CDC42BPB: variants seen among roughly 807,000 people sequenced by gnomAD.
CDC42BPB encodes serine/threonine-protein kinase MRCK beta.
Under a neutral mutation model 214.9 loss-of-function variants are expected in CDC42BPB, and 37 were observed. That is an observed-to-expected ratio of 0.17 (90% CI 0.13 to 0.23). The LOEUF is 0.23. Among genes scored for constraint, CDC42BPB ranks in the 10% least tolerant of loss-of-function variants. CDC42BPB has a pLI of 1.00. For missense variants in CDC42BPB, 1,694 were observed against 2,227.0 expected (o/e 0.76, Z 4.82); for synonymous variants, 931 against 884.0 (o/e 1.05, Z -0.94).
chr14:102,938,631 T>TG (rs1891749785), intron 34 of CDC42BPB: 2 of 894,200 alleles, frequency 2.2e-6, no homozygotes, highest in African/African-American at 3.6e-5. Context: ...AGCGTACTTT[T>TG]TTTGTTTGTT....
intron 8 of CDC42BPB, 37 bp from the exon 9 acceptor site, chr14:102,978,242 A>G (rs980527256): frequency 2.5e-6 from 4 of 1,604,800 alleles, no homozygotes; most frequent in Admixed American, 1.7e-5. Flanking sequence ...TGAAATCTAC[A>G]TTCAAACAAA....
intron 1 of CDC42BPB, among the ~76,000 whole-genome samples, chr14:103,016,753 A>G (rs1158017788): frequency 1.3e-5 from 2 of 152,180 alleles, no homozygotes; most frequent in Non-Finnish European, 2.9e-5. Context: ...CAATATAGAC[A>G]GACAGATACA....
intron 28 of CDC42BPB, among the ~76,000 whole-genome samples, chr14:102,946,048 G>T (rs35910378): frequency 6.6e-6 from 1 of 151,960 alleles, no homozygotes; most frequent in Non-Finnish European, 1.5e-5. Flanking sequence ...TCGGTCTGTC[G>T]CCCAGGCTGG....
chr14:102,945,126 C>T (rs1469670726), intron 29 of CDC42BPB: 1 of 404,160 alleles, frequency 2.5e-6, no homozygotes, highest in Admixed American at 2.8e-5. Context: ...GCTCCACGGC[C>T]ATCACATGCA....
chr14:102,982,317 TA>T (rs1273095206), intron 7 of CDC42BPB, among the ~76,000 whole-genome samples: 3 of 152,236 alleles, frequency 2.0e-5, no homozygotes, highest in Non-Finnish European at 4.4e-5. Flanking sequence ...GCTTCAGTGT[TA>T]ATCTGCTCCC....
chr14:103,055,142 G>C (rs535258074), intron 1 of CDC42BPB, among the ~76,000 whole-genome samples: 8 of 152,392 alleles, frequency 5.2e-5, no homozygotes, highest in Admixed American at 2.0e-4. Flanking sequence ...CGGTAAACAA[G>C]CTGGGTGCAG....
rs906587882 is a variant in CDC42BPB at position 102,945,578 on chromosome 14, C to T, written c.3811+84G>A. ...TTCATCAAGCGCATTTGTCTTAACCCTTAGGAGCTACTGACCCTGTGCTGT... is the reference window on the plus strand; with the variant it reads ...TTCATCAAGCGCATTTGTCTTAACCTTTAGGAGCTACTGACCCTGTGCTGT... On this transcript the variant is annotated intron_variant, in intron 29 of 36. Transcript: ENST00000361246. 7 of 1,265,594 alleles carry T rather than the reference C, an allele frequency of 5.5e-6. No individual in the cohort carries two copies. In the Admixed American group the frequency reaches 1.2e-4, roughly 22 times the overall value. The allele number at this position is 1,265,594 out of a possible 1,614,324, so 78.4% of individuals were successfully genotyped here.
chr14:102,963,968 G>A (rs1180419831), intron 19 of CDC42BPB, among the ~76,000 whole-genome samples: 2 of 151,896 alleles, frequency 1.3e-5, no homozygotes, highest in African/African-American at 2.4e-5. Flanking sequence ...TCGTATCCTC[G>A]TAAAACCAGA....
chr14:102,968,769 C>A, intron 14 of CDC42BPB, 53 bp from the exon 15 acceptor site: 1 of 1,598,044 alleles, frequency 6.3e-7, no homozygotes, highest in Non-Finnish European at 8.5e-7. Flanking sequence ...TCAAGGGTCA[C>A]ACTGTCCTTT....
Position 102,937,590 on chromosome 14 carries a change from C to T in CDC42BPB, c.5004+514G>A, listed in dbSNP as rs75462342. 5.3e-3 allele frequency among the ~76,000 whole-genome samples: 812 copies of T among 152,338 alleles called. 8 individuals carry two copies. The highest frequency in any genetic ancestry group is 0.018 in the African/African-American group (768 of 41,588). On this transcript the variant is annotated intron_variant, in intron 36 of 36. Transcript: ENST00000361246. ...CAGCACTGCAGCTCCTCGCCTCCCT[C>T]GACTGCATTCTCATCCCCATTCCGC...
chr14:102,987,233 C>T lies in CDC42BPB; in HGVS notation c.597-653G>A, dbSNP rs575590068. Among the ~76,000 whole-genome samples, 14 of 152,338 alleles carry T rather than the reference C, an allele frequency of 9.2e-5. No individual in the cohort carries two copies. In the East Asian group the frequency reaches 2.3e-3, roughly 25 times the overall value. ...AACTGCCCACAGTTACAGAGCAGCACGTGCTGGAGCAGGAACATAAACACA... is the reference window on the plus strand; with the variant it reads ...AACTGCCCACAGTTACAGAGCAGCATGTGCTGGAGCAGGAACATAAACACA... On this transcript the variant is annotated intron_variant, in intron 5 of 36. Transcript: ENST00000361246.
chr14:102,947,264 A>G (rs556305898), intron 27 of CDC42BPB, among the ~76,000 whole-genome samples: 9 of 152,272 alleles, frequency 5.9e-5, no homozygotes, highest in East Asian at 1.9e-4. Flanking sequence ...TCTTTCCCCA[A>G]TTCAGTCTTC....
At position 102,980,935 on chromosome 14, in the gene CDC42BPB, G is replaced by A. The variant is rs528369111; in HGVS notation, c.978C>T (p.Arg326=). The part of the protein sequence containing the change: ...LIQRLICSRE[R]RLGQNGIEDF... ...CCTCTATTCCATTCTGCCCCAGCCG[G>A]CGTTCTCTACTGCAGATCAGTCTCT... The change falls in exon 8 of 37, where the codon CGC becomes CGT. Residue 326 remains arginine, a synonymous_variant. Transcript: ENST00000361246. 2 of 1,614,152 alleles carry A rather than the reference G, an allele frequency of 1.2e-6. No homozygotes were observed. The highest frequency in any genetic ancestry group is 4.5e-5 in the East Asian group (2 of 44,884).
chr14:102,942,881 T>C (rs1891961179), intron 30 of CDC42BPB, among the ~76,000 whole-genome samples: 1 of 151,476 alleles, frequency 6.6e-6, no homozygotes, highest in Non-Finnish European at 1.5e-5. Flanking sequence ...GTTTGTTTGT[T>C]TGTTTAAGAC....
chr14:103,028,381 C>A (rs1045818013), intron 1 of CDC42BPB, among the ~76,000 whole-genome samples: 2 of 152,218 alleles, frequency 1.3e-5, no homozygotes, highest in African/African-American at 4.8e-5. Context: ...TGAGCATGAA[C>A]TCCAGTTTCC....
chr14:103,051,064 T>G (rs888515754), intron 1 of CDC42BPB, among the ~76,000 whole-genome samples: 22 of 134,942 alleles, frequency 1.6e-4, no homozygotes, highest in Admixed American at 1.6e-3. Flanking sequence ...TCAATAAAAC[T>G]AACCAAAAAC....
chr14:102,950,827 G>A (rs1299647182), intron 24 of CDC42BPB: 2 of 272,002 alleles, frequency 7.4e-6, no homozygotes, highest in Non-Finnish European at 1.1e-5. Context: ...TTAGCCAGGG[G>A]TGGTGAAGCG....
rs367927706 is a variant in CDC42BPB, at chr14:102,952,501, C to T, written c.3169G>A (p.Glu1057Lys). The change falls in exon 24 of 37, where the codon GAG becomes AAG. Residue 1057 changes from glutamate (E) to lysine (K), a missense_variant. Physicochemically the swap from Glu to Lys is moderately conservative, Grantham distance 56. Around this residue, in one of 7 missense-constraint regions of CDC42BPB, gnomAD observed 567 missense variants for 790.3 expected, o/e 0.72. Transcript: ENST00000361246. ...VGLIRQGYAC[E>K]VCSFACHVSC... is the part of the protein sequence containing the mutation. ...CAGGAGCTGCAACGACACTCACCCT[C>T]GCAGGCGTAGCCCTGCCGGATCAGC... The T allele has an allele frequency of 4.4e-6, 7 of 1,600,192 alleles. No homozygotes were observed. In the East Asian group the frequency reaches 6.7e-5, roughly 15 times the overall value.
intron 1 of CDC42BPB, among the ~76,000 whole-genome samples, chr14:103,036,153 C>CT (rs564909240): frequency 0.045 from 6,175 of 135,944 alleles, 174 homozygotes; most frequent in Non-Finnish European, 0.058. Context: ...ATAAAATATT[C>CT]TTTTTTTTTT....
Sources: allele counts gnomAD v4.1 joint callset (sites outside exome capture counted in the v4.1 genomes callset), GRCh38; gene constraint gnomAD v4.1.1; regional missense constraint gnomAD v4.1.1; transcripts MANE v1.5; gene names NCBI Gene and HGNC (gene_info 2026-07-23, HGNC 2026-07-21).